Variants in GPC5 observed in about 807,000 individuals in gnomAD.
GPC5 encodes the protein glypican 5.
Under a neutral mutation model 53.9 loss-of-function variants are expected in GPC5, and 47 were observed. The observed-to-expected ratio is 0.87, with a 90% CI of 0.69 to 1.11. GPC5 has a LOEUF of 1.11. Ranked by LOEUF, GPC5 falls within the 50% of genes most tolerant of loss-of-function variation. GPC5 has a pLI of 0.00. For synonymous variants in GPC5, 286 were observed against 263.3 expected, an observed-to-expected ratio of 1.09 and a Z score of -0.84; for missense variants, 748 against 713.1, an observed-to-expected ratio of 1.05 and a Z score of -0.56.
At chr13:92,460,436 T>A (rs1426521509) in intron 7 of GPC5, among the ~76,000 whole-genome samples, 1 of 152,214 alleles carries the variant, frequency 6.6e-6, no homozygotes, top group East Asian at 1.9e-4. Flanking sequence ...TTCTTTTTTT[T>A]TCTTTCTGCA....
chr13:91,853,768 A>G (rs7996272), intron 5 of GPC5, among the ~76,000 whole-genome samples: 1 of 151,838 alleles, frequency 6.6e-6, no homozygotes, highest in Non-Finnish European at 1.5e-5. Flanking sequence ...AATAAAAAAT[A>G]AAGTCATTCA....
At chr13:92,301,277 C>T (rs1468069084) in intron 7 of GPC5, among the ~76,000 whole-genome samples, 1 of 152,102 alleles carries the variant, frequency 6.6e-6, no homozygotes, top group Non-Finnish European at 1.5e-5. Flanking sequence ...GGCTAACATT[C>T]TTGAAGAGAT....
chr13:92,727,217 G>A (rs192213052), intron 7 of GPC5, among the ~76,000 whole-genome samples: 5 of 151,568 alleles, frequency 3.3e-5, no homozygotes, highest in East Asian at 3.9e-4. Context: ...AAATGTGTGC[G>A]TAAACAGACA....
chr13:92,699,805 AT>A (rs1237938440), intron 7 of GPC5, among the ~76,000 whole-genome samples: 2 of 152,100 alleles, frequency 1.3e-5, no homozygotes, highest in Non-Finnish European at 2.9e-5. Flanking sequence ...GTTTGTTATG[AT>A]TTCCGTTCTT....
intron 5 of GPC5, among the ~76,000 whole-genome samples, chr13:91,804,603 G>A (rs1323701861): frequency 1.3e-5 from 2 of 152,340 alleles, no homozygotes; most frequent in South Asian, 2.1e-4. Context: ...GAGAGGGAGA[G>A]AGAGATGAAT....
chr13:92,316,211 C>G (rs1043279299), intron 7 of GPC5, among the ~76,000 whole-genome samples: 3 of 151,976 alleles, frequency 2.0e-5, no homozygotes, highest in Admixed American at 6.6e-5. Flanking sequence ...ATTATATAAA[C>G]TTAAAAAAAA....
rs1056730802 is a variant in GPC5 at position 91,406,304 on chromosome 13, T to C, written c.163+7095T>C. The stretch of plus-strand genomic sequence containing the variant: ...TTAAGTTAAACTCTAGACATAGGCC[T>C]GTGGATACTGAGTATCTCAGATTCT... On this transcript the variant is annotated intron_variant, in intron 1 of 7. Transcript: ENST00000377067. Among the ~76,000 whole-genome samples the C allele has an allele frequency of 3.9e-5, 6 of 152,320 alleles. No individual in the cohort carries two copies. In the East Asian group the frequency reaches 1.2e-3, roughly 29 times the overall value.
chr13:91,760,533 A>T (rs996080154), intron 5 of GPC5, among the ~76,000 whole-genome samples: 3 of 152,182 alleles, frequency 2.0e-5, no homozygotes, highest in Admixed American at 6.5e-5. Context: ...CATCAGCTTC[A>T]TTCTAGAGGA....
chr13:92,598,218 G>A (rs1485072468), intron 7 of GPC5, among the ~76,000 whole-genome samples: 1 of 152,128 alleles, frequency 6.6e-6, no homozygotes, highest in African/African-American at 2.4e-5. Context: ...GCCTCAAGGA[G>A]CTGTATTTAT....
chr13:92,745,940 C>T (rs958045492), intron 7 of GPC5, among the ~76,000 whole-genome samples: 19 of 151,828 alleles, frequency 1.3e-4, no homozygotes, highest in African/African-American at 4.4e-4. Flanking sequence ...ATTGTATTAT[C>T]GATAAATTTG....
At chr13:91,860,445 ATATC>A (rs536449912) in intron 5 of GPC5, among the ~76,000 whole-genome samples, 1 of 143,034 alleles carries the variant, frequency 7.0e-6, no homozygotes, top group Non-Finnish European at 1.5e-5. Context: ...GTATATATAT[ATATC>A]TATCCTTCCT....
intron 6 of GPC5, among the ~76,000 whole-genome samples, chr13:91,962,734 C>T (rs1447364059): frequency 6.6e-6 from 1 of 152,038 alleles, no homozygotes; most frequent in Non-Finnish European, 1.5e-5. Context: ...TTTTGCATCA[C>T]AGTGGGAGTT....
intron 7 of GPC5, among the ~76,000 whole-genome samples, chr13:92,708,857 CTTTTTTTTTTTTTTTTTTTTTT>C (rs752130758): frequency 5.8e-4 from 28 of 48,178 alleles, no homozygotes; most frequent in Admixed American, 9.3e-4. Flanking sequence ...TGGAAACCGC[CTTTTTTTTTTTTTTTTTTTTTT>C]TTTTTTTTTT....
chr13:91,654,118 A>G (rs1269631387), intron 2 of GPC5, among the ~76,000 whole-genome samples: 1 of 152,188 alleles, frequency 6.6e-6, no homozygotes, highest in African/African-American at 2.4e-5. Flanking sequence ...GATATTTACC[A>G]GGGCAGTTTC....
intron 2 of GPC5, among the ~76,000 whole-genome samples, chr13:91,654,397 ATAGT>A (rs1197036030): frequency 6.6e-6 from 1 of 152,186 alleles, no homozygotes; most frequent in Non-Finnish European, 1.5e-5. Flanking sequence ...CGGTAAGTAA[ATAGT>A]TAGATACTTG....
At chr13:92,438,130 T>A (rs932434312) in intron 7 of GPC5, among the ~76,000 whole-genome samples, 3 of 151,960 alleles carry the variant, frequency 2.0e-5, no homozygotes, top group East Asian at 1.9e-4. Context: ...TGCCTACCGA[T>A]GTGTTTAGTG....
At chr13:91,983,533 G>A (rs147816415) in intron 6 of GPC5, among the ~76,000 whole-genome samples, 1 of 152,042 alleles carries the variant, frequency 6.6e-6, no homozygotes, top group Non-Finnish European at 1.5e-5. Flanking sequence ...AAAGAGGAAG[G>A]AACTAAAACT....
chr13:91,705,784 G>A (rs1472918258), intron 3 of GPC5, among the ~76,000 whole-genome samples: 1 of 146,820 alleles, frequency 6.8e-6, no homozygotes, highest in Non-Finnish European at 1.5e-5. Flanking sequence ...AACCTGAAAA[G>A]AATGAAAAAT....
At chr13:92,406,721 G>A (rs1594175146) in intron 7 of GPC5, among the ~76,000 whole-genome samples, 1 of 152,268 alleles carries the variant, frequency 6.6e-6, no homozygotes, top group African/African-American at 2.4e-5. Context: ...TTATCTCAGA[G>A]ACAAGTATCT....
Sources: allele counts gnomAD v4.1 joint callset (sites outside exome capture counted in the v4.1 genomes callset), GRCh38; gene constraint gnomAD v4.1.1; transcripts MANE v1.5; gene names NCBI Gene and HGNC (gene_info 2026-07-23, HGNC 2026-07-21).